CTNNA2: variants seen among roughly 807,000 people sequenced by gnomAD.
The protein encoded by CTNNA2 is catenin alpha-2.
A neutral mutation model predicts 101.0 loss-of-function variants in CTNNA2; 42 were observed. The ratio of observed to expected loss-of-function variants is 0.42; its 90% CI spans 0.32 to 0.54. CTNNA2 has a LOEUF of 0.54. CTNNA2 is among the 20% of genes least tolerant of loss of function. The pLI is 0.14. For synonymous variants in CTNNA2, 450 were observed against 456.4 expected, an observed-to-expected ratio of 0.99 and a Z score of 0.18; for missense variants, 871 against 1,223.1, an observed-to-expected ratio of 0.71 and a Z score of 4.29.
Position 79,826,087 on chromosome 2 carries a change from G to T in CTNNA2, c.299-31926G>T, listed in dbSNP as rs115378535. 6.6e-4 allele frequency among the ~76,000 whole-genome samples: 101 copies of T among 152,164 alleles called. 1 individual carries two copies. Among genetic ancestry groups the T allele is most frequent in the Middle Eastern group, 3.4e-3 (1 of 294 alleles). ...AAATATATCCTACACAAAAAGTGGC[G>T]TATATGTTAGCAAGTAAAAATAATT... On this transcript the variant is annotated intron_variant, in intron 3 of 18. Coordinates refer to ENST00000402739, the MANE Select transcript of CTNNA2 (RefSeq NM_001282597.3).
chr2:79,602,956 A>C (rs539584049), intron 1 of CTNNA2, among the ~76,000 whole-genome samples: 151 of 152,294 alleles, frequency 9.9e-4, no homozygotes, highest in African/African-American at 3.4e-3. Flanking sequence ...TGGTAAGACG[A>C]ATCTGAAGTT....
At chr2:79,321,793 G>GCACACACACACACA (rs59806501) in intron 3 of CTNNA2, among the ~76,000 whole-genome samples, 3 of 149,074 alleles carry the variant, frequency 2.0e-5, no homozygotes, top group African/African-American at 4.9e-5. Context: ...CACTGTGTTT[G>GCACACACACACACA]CACACACACA....
intron 2 of CTNNA2, among the ~76,000 whole-genome samples, chr2:79,303,681 G>A (rs148148226): frequency 9.2e-5 from 14 of 152,112 alleles, no homozygotes; most frequent in East Asian, 7.8e-4. Context: ...AGGTTCAGCC[G>A]TGTTGATGAG....
chr2:79,927,682 A>T (rs1478614217), intron 7 of CTNNA2, among the ~76,000 whole-genome samples: 1 of 152,234 alleles, frequency 6.6e-6, no homozygotes, highest in African/African-American at 2.4e-5. Context: ...AACAGTGTTT[A>T]AAATCTGTCA....
intron 7 of CTNNA2, among the ~76,000 whole-genome samples, chr2:80,236,530 C>A (rs1051955158): frequency 6.6e-6 from 1 of 152,132 alleles, no homozygotes; most frequent in Non-Finnish European, 1.5e-5. Flanking sequence ...TCCTCCCTAT[C>A]CTGCTTGCAA....
chr2:80,214,805 G>A (rs1458301706), intron 7 of CTNNA2, among the ~76,000 whole-genome samples: 1 of 152,180 alleles, frequency 6.6e-6, no homozygotes, highest in Non-Finnish European at 1.5e-5. Flanking sequence ...ATGTTGGCCT[G>A]CCTTGCTAGG....
intron 7 of CTNNA2, among the ~76,000 whole-genome samples, chr2:79,984,517 G>A (rs1193632237): frequency 6.6e-6 from 1 of 152,126 alleles, no homozygotes; most frequent in Non-Finnish European, 1.5e-5. Flanking sequence ...AAATTTACAA[G>A]TTACCTTTGT....
chr2:80,592,226 C>T (rs1370704865), intron 15 of CTNNA2, among the ~76,000 whole-genome samples: 1 of 152,060 alleles, frequency 6.6e-6, no homozygotes, highest in African/African-American at 2.4e-5. Context: ...CTATATTTCC[C>T]AAACTTGATT....
At chr2:79,196,907 T>A (rs1391146175) in intron 1 of CTNNA2, among the ~76,000 whole-genome samples, 1 of 152,236 alleles carries the variant, frequency 6.6e-6, no homozygotes, top group African/African-American at 2.4e-5. Flanking sequence ...TCAGCATCTC[T>A]CATGGTTCTG....
intron 1 of CTNNA2, among the ~76,000 whole-genome samples, chr2:79,602,618 A>C (rs1358608266): frequency 1.3e-5 from 2 of 152,184 alleles, no homozygotes; most frequent in African/African-American, 4.8e-5. Context: ...TTTAAAGTAC[A>C]AACAAGATAT....
intron 2 of CTNNA2, among the ~76,000 whole-genome samples, chr2:79,213,417 A>G (rs1327165908): frequency 1.3e-5 from 2 of 152,212 alleles, no homozygotes; most frequent in African/African-American, 2.4e-5. Context: ...GTCAGTATAA[A>G]TATTGACGTT....
chr2:79,663,213 G>A (rs1052369787), intron 2 of CTNNA2, among the ~76,000 whole-genome samples: 1 of 152,082 alleles, frequency 6.6e-6, no homozygotes, highest in Non-Finnish European at 1.5e-5. Context: ...CTCTCATCAT[G>A]ATCAGTACAG....
At chr2:80,143,190 C>T (rs1364807033) in intron 7 of CTNNA2, among the ~76,000 whole-genome samples, 2 of 152,160 alleles carry the variant, frequency 1.3e-5, no homozygotes, top group Non-Finnish European at 2.9e-5. Context: ...CCCAAGTGTC[C>T]TTCCTCCAAC....
chr2:80,627,628 T>C (rs576460832), intron 18 of CTNNA2, among the ~76,000 whole-genome samples: 6 of 152,188 alleles, frequency 3.9e-5, no homozygotes, highest in Non-Finnish European at 5.9e-5. Flanking sequence ...GATGGATAGA[T>C]TGCAAAAATT....
At chr2:79,814,687 A>G (rs1677340263) in intron 3 of CTNNA2, among the ~76,000 whole-genome samples, 1 of 151,616 alleles carries the variant, frequency 6.6e-6, no homozygotes, top group Non-Finnish European at 1.5e-5. Context: ...ATTGATGGGC[A>G]TTTGTGTTGG....
chr2:79,826,706 C>T (rs932721959), intron 3 of CTNNA2, among the ~76,000 whole-genome samples: 1 of 152,178 alleles, frequency 6.6e-6, no homozygotes, highest in African/African-American at 2.4e-5. Flanking sequence ...CTTCCATTAC[C>T]TTCAACTTCC....
intron 2 of CTNNA2, among the ~76,000 whole-genome samples, chr2:79,692,329 C>G (rs1469722164): frequency 1.3e-5 from 2 of 152,168 alleles, no homozygotes; most frequent in African/African-American, 4.8e-5. Context: ...GATACCATCT[C>G]ATGCCAGTTA....
chr2:80,036,927 G>C (rs902365510), intron 7 of CTNNA2, among the ~76,000 whole-genome samples: 3 of 151,918 alleles, frequency 2.0e-5, no homozygotes, highest in African/African-American at 7.2e-5. Context: ...GAAACTATTG[G>C]GTTATGAAGG....
At position 79,616,488 on chromosome 2, in the gene CTNNA2, CT is replaced by C. The variant is rs749387667; in HGVS notation, c.-5-35063del. ...AGCTTATCACAGCAAGCATATATTA[CT>C]ATTAAAATGTAAAACTAACTGTTAA... is the stretch of plus-strand genomic sequence containing the variant. On this transcript the variant is annotated intron_variant, in intron 1 of 18. Coordinates refer to ENST00000402739, the MANE Select transcript of CTNNA2 (RefSeq NM_001282597.3). Among the ~76,000 whole-genome samples, 9 of 152,108 alleles carry C rather than the reference CT, an allele frequency of 5.9e-5. No homozygotes were observed. In the South Asian group the frequency reaches 8.3e-4, roughly 14 times the overall value.
Sources: gnomAD v4.1 joint callset for allele counts (sites outside exome capture counted in the v4.1 genomes callset) on GRCh38, gnomAD v4.1.1 for gene constraint, MANE v1.5 for transcripts, NCBI Gene and HGNC (gene_info 2026-07-23, HGNC 2026-07-21) for gene names.